The following GPC3 variants were observed in gnomAD, a reference collection of about 807,000 sequenced individuals.
GPC3 encodes the protein glypican-3.
GPC3 carries 3 observed loss-of-function variants against 34.4 expected under a neutral mutation model. That is an observed-to-expected ratio of 0.09 (90% confidence interval 0.04 to 0.23). The LOEUF (loss-of-function observed/expected upper bound fraction) is 0.23, where lower values mean the gene tolerates loss of function less well. Among genes scored for constraint, GPC3 ranks in the 10% least tolerant of loss-of-function variants. The probability of loss-of-function intolerance (pLI) is 1.00; values close to 1 mark genes in which losing one functional copy is unlikely to be tolerated. For missense variants in GPC3, 351 were observed against 445.6 expected, an observed-to-expected ratio of 0.79 and a Z score of 1.91; for synonymous variants, 177 against 174.0, an observed-to-expected ratio of 1.02 and a Z score of -0.13.
At chrX:133,646,333 T>C (rs1444063155) in intron 6 of GPC3, among the ~76,000 whole-genome samples, 2 of 111,742 alleles carry the variant, frequency 1.8e-5, no homozygotes, top group African/African-American at 6.5e-5. Flanking sequence ...GAGTAGGACA[T>C]AGTAGGTCCA....
rs762939853 is a variant in GPC3, at chrX:133,721,857, G to A, written c.1033-21829C>T. Among the ~76,000 whole-genome samples the A allele has an allele frequency of 7.2e-5, 8 of 111,699 alleles. No individual in the cohort carries two copies. The Middle Eastern group carries it at 0.014, about 194-fold the overall frequency. On this transcript the variant is annotated intron_variant, in intron 3 of 7. Transcript: ENST00000370818. ...TTAAATAAAAATTTTGTACATTTTT[G>A]TAATCCTGGATTTGACAATGTCCTC... is the stretch of plus-strand genomic sequence containing the variant.
At chrX:133,641,495 A>C (rs767365899) in intron 6 of GPC3, among the ~76,000 whole-genome samples, 4 of 110,596 alleles carry the variant, frequency 3.6e-5, no homozygotes, top group Non-Finnish European at 7.6e-5. Context: ...AAACGTCAGG[A>C]AAGAGGAGAC....
intron 3 of GPC3, among the ~76,000 whole-genome samples, chrX:133,745,961 A>G (rs1364028438): frequency 1.8e-5 from 2 of 112,211 alleles, no homozygotes; most frequent in African/African-American, 6.5e-5. Flanking sequence ...AGGTGGGCTT[A>G]CCATCTATTA....
chrX:133,936,762 C>G (rs1375720529), intron 2 of GPC3, among the ~76,000 whole-genome samples: 1 of 112,297 alleles, frequency 8.9e-6, no homozygotes, highest in Non-Finnish European at 1.9e-5. Context: ...TAAAGCTAAC[C>G]TGATTGACGC....
chrX:133,892,169 T>A (rs1046675681), intron 2 of GPC3, among the ~76,000 whole-genome samples: 2 of 111,863 alleles, frequency 1.8e-5, no homozygotes, highest in Non-Finnish European at 3.8e-5. Flanking sequence ...TCTTCTCATC[T>A]AAGACATGTT....
chrX:133,874,823 C>A (rs746664334), intron 2 of GPC3, among the ~76,000 whole-genome samples: 3 of 112,337 alleles, frequency 2.7e-5, no homozygotes, highest in African/African-American at 9.7e-5. Flanking sequence ...CTTCCATTTG[C>A]AATTGCCTAT....
Position 133,578,372 on chromosome X carries a change from C to T in GPC3, c.1573+18068G>A, listed in dbSNP as rs997187062. On this transcript the variant is annotated intron_variant, in intron 7 of 7. Transcript: ENST00000370818. ...TCCCTTCACTTGCACTCACTTGCCGCCCTCAAACTCCCAACATGCTTACAA... is the reference window on the plus strand; with the variant it reads ...TCCCTTCACTTGCACTCACTTGCCGTCCTCAAACTCCCAACATGCTTACAA... 3.7e-4 allele frequency among the ~76,000 whole-genome samples: 42 copies of T among 112,188 alleles called. 1 individual carries two copies. The Admixed American group carries it at 3.9e-3, about 10-fold the overall frequency.
chrX:133,687,582 G>A (rs1023402438), intron 5 of GPC3, among the ~76,000 whole-genome samples: 12 of 105,969 alleles, frequency 1.1e-4, no homozygotes, highest in African/African-American at 1.7e-4. Flanking sequence ...CACGACACCC[G>A]GATAATTTTT....
intron 6 of GPC3, among the ~76,000 whole-genome samples, chrX:133,623,959 C>T (rs1485156428): frequency 8.9e-6 from 1 of 112,059 alleles, no homozygotes; most frequent in African/African-American, 3.2e-5. Flanking sequence ...AACAAACTGT[C>T]TCTCAGACCA....
rs147229219 is a variant in GPC3, at chrX:133,720,422, G to C, written c.1033-20394C>G. Among the ~76,000 whole-genome samples, 259 of 111,539 alleles carry C rather than the reference G, an allele frequency of 2.3e-3. 1 individual carries two copies. The highest frequency in any genetic ancestry group is 4.0e-3 in the Non-Finnish European group (210 of 53,082). ...TCTCCTGATAGTGAATAAGTCTCAT[G>C]AGATCCGATGGTTTTATAAAGAGGA... On this transcript the variant is annotated intron_variant, in intron 3 of 7. Transcript: ENST00000370818.
intron 2 of GPC3, among the ~76,000 whole-genome samples, chrX:133,867,197 C>CAAA (rs1310046646): frequency 1.0e-5 from 1 of 96,098 alleles, no homozygotes; most frequent in African/African-American, 3.8e-5. Flanking sequence ...GACTCTGTCT[C>CAAA]AAAAAAAAAA....
chrX:133,955,866 T>A (rs754934343), intron 1 of GPC3, among the ~76,000 whole-genome samples: 15 of 112,161 alleles, frequency 1.3e-4, no homozygotes, highest in African/African-American at 4.2e-4. Flanking sequence ...TTTATTTTTT[T>A]AAAAAATGAG....
intron 2 of GPC3, among the ~76,000 whole-genome samples, chrX:133,833,395 G>A (rs1426534153): frequency 1.8e-5 from 2 of 112,016 alleles, no homozygotes; most frequent in African/African-American, 6.5e-5. Flanking sequence ...AACAGCAGAA[G>A]TGCATCAGTG....
intron 2 of GPC3, among the ~76,000 whole-genome samples, chrX:133,800,211 T>G (rs189458198): frequency 7.5e-4 from 84 of 112,265 alleles, no homozygotes; most frequent in Admixed American, 3.1e-3. Context: ...CCGATAAAAA[T>G]AATTATGTTG....
At chrX:133,607,195 G>A (rs765179182) in intron 6 of GPC3, among the ~76,000 whole-genome samples, 2 of 110,678 alleles carry the variant, frequency 1.8e-5, no homozygotes, top group South Asian at 3.9e-4. Context: ...GGGGCAACAT[G>A]TCCATTTTCA....
At chrX:133,916,350 TAA>T (rs1376640777) in intron 2 of GPC3, among the ~76,000 whole-genome samples, 1 of 111,418 alleles carries the variant, frequency 9.0e-6, no homozygotes, top group Non-Finnish European at 1.9e-5. Context: ...TTTTTTCTAT[TAA>T]AAAGTCTGTT....
At chrX:133,638,845 T>C (rs1279009476) in intron 6 of GPC3, among the ~76,000 whole-genome samples, 2 of 97,356 alleles carry the variant, frequency 2.1e-5, no homozygotes, top group East Asian at 3.0e-4. Flanking sequence ...AAGAAAAAAA[T>C]CGCAAAGAAA....
intron 6 of GPC3, among the ~76,000 whole-genome samples, chrX:133,652,604 G>C (rs6529584): frequency 0.014 from 1,529 of 111,436 alleles, 37 homozygotes; most frequent in African/African-American, 0.048. Context: ...ACATAGTTAG[G>C]AGTAAAGAAT....
intron 4 of GPC3, among the ~76,000 whole-genome samples, chrX:133,696,130 C>T (rs371309493): frequency 9.8e-5 from 11 of 112,247 alleles, no homozygotes; most frequent in East Asian, 2.8e-4. Flanking sequence ...GACAGTGTTA[C>T]GGTGAAGACC....
Sources: allele counts gnomAD v4.1 joint callset (sites outside exome capture counted in the v4.1 genomes callset), GRCh38; gene constraint gnomAD v4.1.1; transcripts MANE v1.5; gene names NCBI Gene and HGNC (gene_info 2026-07-23, HGNC 2026-07-21).